The following CELA2B variants were observed in gnomAD, a reference collection of about 807,000 sequenced individuals.
CELA2B encodes chymotrypsin like elastase 2B, also known as chymotrypsin-like elastase family member 2B.
Under a neutral mutation model 36.5 loss-of-function variants are expected in CELA2B, and 27 were observed. The observed-to-expected ratio is 0.74, with a 90% CI of 0.55 to 1.02. The LOEUF (loss-of-function observed/expected upper bound fraction) is 1.02. Ranked by LOEUF, CELA2B falls within the 50% of genes least tolerant of loss-of-function variation. The pLI, the probability that CELA2B is intolerant of heterozygous loss-of-function variation, is 0.00. For synonymous variants in CELA2B, 143 were observed against 148.5 expected (o/e 0.96, Z 0.27); for missense variants, 340 against 347.8 (o/e 0.98, Z 0.18).
chr1:15,483,288 G>A lies in CELA2B; in HGVS notation c.381G>A (p.Leu127=), dbSNP rs1156317965. ...GGAACGACATTGCCCTGCTCAAACT[G>A]GCTAACCCCGTCTCCCTCACCGACA... ...SKGNDIALLK[L]ANPVSLTDKI... The change falls in exon 5 of 8, where the codon CTG becomes CTA. Residue 127 remains leucine (L), a synonymous_variant. Transcript: ENST00000375910. The A allele has an allele frequency of 6.2e-7, 1 of 1,613,738 alleles. No individual in the cohort carries two copies. Among genetic ancestry groups the A allele is most frequent in the Non-Finnish European group, 8.5e-7 (1 of 1,179,900 alleles).
rs1477540288 is a variant in CELA2B, at chr1:15,482,397, C to A, written c.356+4C>A. ...ACTCCGACCAGGTCTCCAAAGGGTT[C>A]GTTTCTATCTGGGTGCACTTGGGGG... On this transcript the variant is annotated splice_donor_region_variant and intron_variant, in intron 4 of 7. Coordinates refer to ENST00000375910, the MANE Select transcript of CELA2B (RefSeq NM_015849.3). The A allele has an allele frequency of 1.2e-6, 2 of 1,613,866 alleles. No homozygotes were observed. The highest frequency in any genetic ancestry group is 1.3e-5 in the African/African-American group (1 of 74,998).
intron 4 of CELA2B, 83 bp from the exon 5 acceptor site, chr1:15,483,181 G>A: frequency 1.3e-6 from 2 of 1,586,588 alleles, no homozygotes; most frequent in Non-Finnish European, 1.7e-6. Context: ...CAGGGAAGAT[G>A]ACAAGGTCTC....
intron 7 of CELA2B, among the ~76,000 whole-genome samples, chr1:15,488,808 A>G (rs1708837681): frequency 6.6e-6 from 1 of 152,256 alleles, no homozygotes; most frequent in Non-Finnish European, 1.5e-5. Context: ...GGAGAAAACT[A>G]AACTGTCAAA....
chr1:15,483,236 C>T (rs564766934), intron 4 of CELA2B, 28 bp from the exon 5 acceptor site: 5 of 1,612,918 alleles, frequency 3.1e-6, no homozygotes, highest in East Asian at 4.5e-5. Context: ...CAACCCTGTT[C>T]TCATGCTCCG....
intron 5 of CELA2B, among the ~76,000 whole-genome samples, chr1:15,483,873 G>C (rs1439692826): frequency 6.6e-6 from 1 of 151,748 alleles, no homozygotes. Context: ...AGGTTGCAGT[G>C]AGCCAAGATT....
intron 5 of CELA2B, 49 bp downstream of exon 5, chr1:15,483,449 G>A: frequency 6.2e-7 from 1 of 1,612,754 alleles, no homozygotes; most frequent in Non-Finnish European, 8.5e-7. Context: ...GGGAGGTGAT[G>A]TCACCCCTGT....
chr1:15,490,576 A>C (rs1708870392), intron 7 of CELA2B, among the ~76,000 whole-genome samples: 1 of 152,192 alleles, frequency 6.6e-6, no homozygotes, highest in South Asian at 2.1e-4. Flanking sequence ...GCATATCAAA[A>C]TGTTTAACAG....
At chr1:15,479,608 G>A (rs140554236) in intron 2 of CELA2B, among the ~76,000 whole-genome samples, 4 of 152,208 alleles carry the variant, frequency 2.6e-5, no homozygotes, top group East Asian at 1.9e-4. Flanking sequence ...CTAATAACAC[G>A]CCGGAAAACG....
chr1:15,479,009 T>A (rs1022478106), intron 2 of CELA2B, among the ~76,000 whole-genome samples: 5 of 152,158 alleles, frequency 3.3e-5, no homozygotes, highest in Admixed American at 2.6e-4. Context: ...GGAATGAGGA[T>A]TCAAATCTGG....
intron 3 of CELA2B, 52 bp from the exon 4 acceptor site, chr1:15,482,213 T>C: frequency 6.2e-7 from 1 of 1,602,350 alleles, no homozygotes; most frequent in Non-Finnish European, 8.5e-7. Flanking sequence ...CTAGCATTAT[T>C]CAAAGCCAGG....
At position 15,486,743 on chromosome 1, in the gene CELA2B, G is replaced by A. The variant is rs906804910; in HGVS notation, c.640-542G>A. Among the ~76,000 whole-genome samples the A allele has an allele frequency of 2.6e-5, 4 of 152,184 alleles. No homozygotes were observed. In the South Asian group the frequency reaches 8.3e-4, roughly 32 times the overall value. On this transcript the variant is annotated intron_variant, in intron 6 of 7. Coordinates refer to ENST00000375910, the MANE Select transcript of CELA2B (RefSeq NM_015849.3). Reference sequence around the variant, plus strand: ...TGTGTCCCCTCCAGGTAGCTGTCACGGAAACCTTCCTGGAGACAGTGTCTT... The same window carrying A: ...TGTGTCCCCTCCAGGTAGCTGTCACAGAAACCTTCCTGGAGACAGTGTCTT...
chr1:15,484,387 A>G (rs1206354053), intron 5 of CELA2B, among the ~76,000 whole-genome samples: 3 of 152,112 alleles, frequency 2.0e-5, no homozygotes, highest in Non-Finnish European at 4.4e-5. Context: ...AGTGATAATG[A>G]CCTTATGACC....
intron 3 of CELA2B, 84 bp downstream of exon 3, chr1:15,481,279 C>A: frequency 6.7e-7 from 1 of 1,486,158 alleles, no homozygotes; most frequent in Non-Finnish European, 9.4e-7. Context: ...CTGAACCACA[C>A]TACATGAAGT....
chr1:15,483,423 C>T lies in CELA2B; in HGVS notation c.493+23C>T, dbSNP rs373971727. Reference sequence around the variant, plus strand: ...AGAGTAAGTGGGAGCCAGGAGCCCCCAGGCCTGGGAGGGAAGGGAGGTGAT... The same window carrying T: ...AGAGTAAGTGGGAGCCAGGAGCCCCTAGGCCTGGGAGGGAAGGGAGGTGAT... On this transcript the variant is annotated intron_variant, in intron 5 of 7. Coordinates refer to ENST00000375910, the MANE Select transcript of CELA2B (RefSeq NM_015849.3). 5.0e-6 allele frequency: 8 copies of T among 1,613,156 alleles called. No homozygotes were observed. In the South Asian group the frequency reaches 8.8e-5, roughly 18 times the overall value.
intron 2 of CELA2B, among the ~76,000 whole-genome samples, chr1:15,480,123 G>C (rs1708721532): frequency 6.6e-6 from 1 of 152,158 alleles, no homozygotes; most frequent in African/African-American, 2.4e-5. Context: ...TGGGAGACTA[G>C]AATGATCATC....
chr1:15,487,299 G>A lies in CELA2B; in HGVS notation c.654G>A (p.Gly218=), dbSNP rs1382273840. 1 of 1,614,154 alleles carries A rather than the reference G, an allele frequency of 6.2e-7. No individual in the cohort carries two copies. Among genetic ancestry groups the A allele is most frequent in the Non-Finnish European group, 8.5e-7 (1 of 1,180,018 alleles). ...VICTCNGDSG[G]PLNCQASDGR... is the part of the protein sequence containing the mutation. ...GCCTTCCTCAGGGAGACTCCGGTGG[G>A]CCGCTGAACTGTCAGGCATCTGACG... The change falls in exon 7 of 8, where the codon GGG becomes GGA. Residue 218 remains glycine, a synonymous_variant. Coordinates refer to ENST00000375910, the MANE Select transcript of CELA2B (RefSeq NM_015849.3).
chr1:15,491,213 A>G, intron 7 of CELA2B, 82 bp from the exon 8 acceptor site: 2 of 1,559,430 alleles, frequency 1.3e-6, no homozygotes, highest in African/African-American at 2.7e-5. Context: ...AGCTTAGCCC[A>G]GGAGGACAGA....
chr1:15,481,428 G>A (rs576916677), intron 3 of CELA2B, among the ~76,000 whole-genome samples: 13 of 152,338 alleles, frequency 8.5e-5, no homozygotes, highest in South Asian at 4.1e-4. Context: ...AGGATGAAGA[G>A]GAGGGGAAGG....
intron 2 of CELA2B, among the ~76,000 whole-genome samples, chr1:15,476,818 A>T (rs1708678880): frequency 6.6e-6 from 1 of 152,096 alleles, no homozygotes; most frequent in Non-Finnish European, 1.5e-5. Flanking sequence ...CCCCGTCTCT[A>T]CTAATAATAA....
Sources: gnomAD v4.1 joint callset for allele counts (sites outside exome capture counted in the v4.1 genomes callset) on GRCh38, gnomAD v4.1.1 for gene constraint, MANE v1.5 for transcripts, NCBI Gene and HGNC (gene_info 2026-07-23, HGNC 2026-07-21) for gene names.